The following ARHGAP32 variants were observed in gnomAD, a reference collection of about 807,000 sequenced individuals.
The protein encoded by ARHGAP32 is rho GTPase-activating protein 32.
ARHGAP32 carries 51 observed loss-of-function variants against 186.5 expected under a neutral mutation model. The ratio of observed to expected loss-of-function variants is 0.27; its 90% confidence interval spans 0.22 to 0.35. The LOEUF is 0.35. ARHGAP32 is among the 10% of genes least tolerant of loss of function. The pLI, the probability that ARHGAP32 is intolerant of heterozygous loss-of-function variation, is 1.00. For synonymous variants in ARHGAP32, 950 were observed against 964.3 expected, an observed-to-expected ratio of 0.99 and a Z score of 0.27; for missense variants, 2,186 against 2,623.5, an observed-to-expected ratio of 0.83 and a Z score of 3.64.
intron 5 of ARHGAP32, among the ~76,000 whole-genome samples, chr11:129,100,681 C>T (rs1442673112): frequency 1.3e-5 from 2 of 152,166 alleles, no homozygotes; most frequent in Non-Finnish European, 2.9e-5. Context: ...TGCCCTTATA[C>T]TAACACTGCA....
intron 1 of ARHGAP32, among the ~76,000 whole-genome samples, chr11:129,262,556 G>C (rs989465049): frequency 1.3e-5 from 2 of 151,876 alleles, no homozygotes; most frequent in Non-Finnish European, 2.9e-5. Flanking sequence ...GCTAATTTTT[G>C]TATTTTTTTT....
chr11:128,979,987 G>A (rs1312674502), intron 18 of ARHGAP32, among the ~76,000 whole-genome samples: 3 of 152,210 alleles, frequency 2.0e-5, no homozygotes, highest in Non-Finnish European at 4.4e-5. Context: ...AGAATCACCT[G>A]GAAAGTTAGA....
chr11:129,171,602 C>T (rs542626498), intron 1 of ARHGAP32, among the ~76,000 whole-genome samples: 400 of 152,194 alleles, frequency 2.6e-3, no homozygotes, highest in African/African-American at 9.1e-3. Context: ...AGTCAGGTAG[C>T]GTGATGCCTC....
At position 128,971,152 on chromosome 11, in the gene ARHGAP32, C is replaced by A. The variant is rs778377279; in HGVS notation, c.4061G>T (p.Gly1354Val). 16 of 1,606,616 alleles carry A rather than the reference C, an allele frequency of 1.0e-5. No individual in the cohort carries two copies. Among genetic ancestry groups the A allele is most frequent in the Non-Finnish European group, 1.1e-5 (13 of 1,174,354 alleles). ...TGGCCTCTCTGGAACTGGAACTACTCCTTGAACCTATTGAAAGATGATAAT... is the reference window on the plus strand; with the variant it reads ...TGGCCTCTCTGGAACTGGAACTACTACTTGAACCTATTGAAAGATGATAAT... ...IGLNNSHKVQ[G>V]VVPVPERPPE... The change falls in exon 23 of 23, where the codon GGA becomes GTA. Residue 1354 changes from glycine to valine, a missense_variant. Gly to Val is a moderately radical substitution (Grantham distance 109). Coordinates refer to ENST00000682385, the MANE Select transcript of ARHGAP32 (RefSeq NM_001378024.1).
intron 5 of ARHGAP32, among the ~76,000 whole-genome samples, chr11:129,098,343 T>C (rs1023041520): frequency 6.6e-6 from 1 of 152,232 alleles, no homozygotes; most frequent in African/African-American, 2.4e-5. Flanking sequence ...CTTTTTGTTA[T>C]CTAAATGATT....
intron 6 of ARHGAP32, among the ~76,000 whole-genome samples, chr11:129,088,256 T>C (rs1044905040): frequency 6.6e-6 from 1 of 152,206 alleles, no homozygotes; most frequent in Non-Finnish European, 1.5e-5. Context: ...AAACAAGAAC[T>C]TTAAATGTAA....
chr11:129,161,772 T>C (rs1441197571), intron 2 of ARHGAP32, among the ~76,000 whole-genome samples: 1 of 152,142 alleles, frequency 6.6e-6, no homozygotes, highest in Non-Finnish European at 1.5e-5. Context: ...GAAATACCAT[T>C]TGACCCAGCA....
chr11:129,006,986 G>A (rs528386049), intron 11 of ARHGAP32, among the ~76,000 whole-genome samples: 2 of 152,076 alleles, frequency 1.3e-5, no homozygotes, highest in African/African-American at 4.8e-5. Context: ...CATAGGCAGA[G>A]GAGCCCCATC....
rs780699155 is a variant in ARHGAP32, at chr11:129,164,352, C to T, written c.192G>A (p.Glu64=). The stretch of plus-strand genomic sequence containing the variant: ...TAAGAGTTTCTTCCCAATCAGGCCG[C>T]TCTCGAGGGTGTACATTTCTATGTA... ...PELHRNVHPR[E]RPDWEETLSA... The change falls in exon 2 of 23, where the codon GAG becomes GAA. Residue 64 remains glutamate (E), a synonymous_variant. Transcript: ENST00000682385. 2.5e-6 allele frequency: 4 copies of T among 1,581,898 alleles called. No homozygotes were observed. The highest frequency in any genetic ancestry group is 1.8e-5 in the Admixed American group (1 of 55,954).
At chr11:129,095,511 G>C (rs949832681) in intron 5 of ARHGAP32, among the ~76,000 whole-genome samples, 1 of 149,950 alleles carries the variant, frequency 6.7e-6, no homozygotes, top group Non-Finnish European at 1.5e-5. Context: ...GAAGAGAACT[G>C]AGAGAATGAA....
intron 10 of ARHGAP32, among the ~76,000 whole-genome samples, chr11:129,044,674 T>A (rs1939736677): frequency 8.3e-6 from 1 of 119,810 alleles, no homozygotes; most frequent in Non-Finnish European, 1.7e-5. Flanking sequence ...AACATTCTAA[T>A]TCATTTCAAT....
intron 15 of ARHGAP32, among the ~76,000 whole-genome samples, chr11:128,983,908 G>C (rs983551139): frequency 6.6e-6 from 1 of 152,142 alleles, no homozygotes; most frequent in African/African-American, 2.4e-5. Context: ...CAGCAGATGA[G>C]AGTGTGAATT....
At chr11:129,055,715 T>C (rs2135104897) in intron 10 of ARHGAP32, among the ~76,000 whole-genome samples, 1 of 152,210 alleles carries the variant, frequency 6.6e-6, no homozygotes. Flanking sequence ...ACAATACGGA[T>C]ATTTTGGAAA....
In ARHGAP32 at chr11:128,966,216, C is replaced by T. The variant is rs990724120; in HGVS notation, c.*2691G>A. On this transcript the variant is annotated 3_prime_UTR_variant, in exon 23 of 23. Transcript: ENST00000682385. ...TGAAAATGTCAATAGGATTAAATCA[C>T]GGGTTTAATGTATAAGGCAGCTCCA... 3 of 152,166 alleles carry T rather than the reference C, an allele frequency of 2.0e-5. No homozygotes were observed. Among genetic ancestry groups the T allele is most frequent in the Non-Finnish European group, 1.5e-5 (1 of 68,038 alleles). The allele number at this position is 152,166 out of a possible 1,614,324, so 9.4% of individuals were successfully genotyped here. A position where few individuals can be genotyped will look rare whatever the true frequency, so the allele number is the denominator to read the frequency against.
chr11:129,104,169 A>T (rs551470206), intron 5 of ARHGAP32, among the ~76,000 whole-genome samples: 20 of 152,230 alleles, frequency 1.3e-4, no homozygotes, highest in Middle Eastern at 3.4e-3. Context: ...CTCACCAAAA[A>T]AAATTTCTAA....
intron 11 of ARHGAP32, among the ~76,000 whole-genome samples, 157 bp from the exon 12 acceptor site, chr11:128,998,625 G>C (rs545972466): frequency 6.6e-6 from 1 of 152,346 alleles, no homozygotes; most frequent in South Asian, 2.1e-4. Flanking sequence ...TTTAAGCTAA[G>C]AGTTGTGTTA....
intron 9 of ARHGAP32, 50 bp from the exon 10 acceptor site, chr11:129,062,407 C>A: frequency 6.9e-7 from 1 of 1,445,864 alleles, no homozygotes; most frequent in South Asian, 1.1e-5. Context: ...AATTTTAAAC[C>A]AATTGTTATA....
At chr11:129,221,535 T>TGTGTGTGTGTG (rs1565472462) in intron 1 of ARHGAP32, among the ~76,000 whole-genome samples, 2 of 68,256 alleles carry the variant, frequency 2.9e-5, no homozygotes, top group African/African-American at 5.2e-5. Flanking sequence ...GTGTGTGTGT[T>TGTGTGTGTGTG]TATGGTAAAA....
At chr11:129,136,455 A>C (rs904773508) in intron 2 of ARHGAP32, among the ~76,000 whole-genome samples, 3 of 152,184 alleles carry the variant, frequency 2.0e-5, no homozygotes, top group Admixed American at 2.0e-4. Context: ...AAAGTCATAA[A>C]GCTGTAAGAT....
Sources: allele counts gnomAD v4.1 joint callset (sites outside exome capture counted in the v4.1 genomes callset), GRCh38; gene constraint gnomAD v4.1.1; transcripts MANE v1.5; gene names NCBI Gene and HGNC (gene_info 2026-07-23, HGNC 2026-07-21).